Variants in KIAA0825 observed in about 807,000 individuals in gnomAD.
The protein encoded by KIAA0825 is KIAA0825.
In KIAA0825, 119 loss-of-function variants were observed where a neutral mutation model predicts 147.6. The ratio of observed to expected loss-of-function variants is 0.81; its 90% CI spans 0.69 to 0.94. The LOEUF is 0.94. Ranked by LOEUF, KIAA0825 falls within the 40% of genes least tolerant of loss-of-function variation. The pLI, the probability that KIAA0825 is intolerant of heterozygous loss-of-function variation, is 0.00. For synonymous variants in KIAA0825, 470 were observed against 518.1 expected (o/e 0.91, Z 1.26); for missense variants, 1,381 against 1,472.7 (o/e 0.94, Z 1.02).
At chr5:94,421,786 C>G (rs1754227045) in intron 14 of KIAA0825, among the ~76,000 whole-genome samples, 1 of 151,998 alleles carries the variant, frequency 6.6e-6, no homozygotes, top group South Asian at 2.1e-4. Context: ...TCTATGATTC[C>G]CCAATATTCC....
intron 1 of KIAA0825, among the ~76,000 whole-genome samples, chr5:94,599,357 G>A (rs1405260198): frequency 3.0e-5 from 2 of 66,928 alleles, no homozygotes; most frequent in Non-Finnish European, 6.0e-5. Flanking sequence ...TTTTTGCTAT[G>A]GAGTTTCTTG....
intron 2 of KIAA0825, among the ~76,000 whole-genome samples, chr5:94,558,080 C>G (rs893246753): frequency 1.3e-5 from 2 of 152,182 alleles, no homozygotes; most frequent in African/African-American, 4.8e-5. Flanking sequence ...ACACTAGTCA[C>G]TTCGTTCCAC....
chr5:94,380,997 T>C (rs1748328458), intron 20 of KIAA0825, among the ~76,000 whole-genome samples: 1 of 152,208 alleles, frequency 6.6e-6, no homozygotes, highest in Admixed American at 6.5e-5. Flanking sequence ...TCCTCTTTCA[T>C]GTGTCTGAGC....
At chr5:94,479,814 T>C (rs977982912) in intron 6 of KIAA0825, among the ~76,000 whole-genome samples, 9 of 152,132 alleles carry the variant, frequency 5.9e-5, no homozygotes, top group Non-Finnish European at 1.2e-4. Context: ...CATCTTGTTT[T>C]AGTTTGCATT....
chr5:94,433,514 T>C (rs1489448136), intron 14 of KIAA0825, among the ~76,000 whole-genome samples: 1 of 152,234 alleles, frequency 6.6e-6, no homozygotes, highest in East Asian at 1.9e-4. Flanking sequence ...ATATTGCTAT[T>C]TGGTAAATGT....
chr5:94,194,321 C>T (rs975953609), intron 20 of KIAA0825, among the ~76,000 whole-genome samples: 1 of 152,070 alleles, frequency 6.6e-6, no homozygotes, highest in Non-Finnish European at 1.5e-5. Context: ...CCTCTGCCTT[C>T]CATTCTATGA....
At chr5:94,593,910 G>C in intron 1 of KIAA0825, 1 of 423,044 alleles carries the variant, frequency 2.4e-6, no homozygotes, top group South Asian at 1.9e-5. Flanking sequence ...GACGAAGTGG[G>C]AATATCCAGA....
chr5:94,262,807 G>A (rs1334192529), intron 20 of KIAA0825, among the ~76,000 whole-genome samples: 1 of 152,072 alleles, frequency 6.6e-6, no homozygotes, highest in Non-Finnish European at 1.5e-5. Flanking sequence ...TTCTAAGTGA[G>A]GGTAAGAATG....
chr5:94,599,423 G>C (rs912663769), intron 1 of KIAA0825, among the ~76,000 whole-genome samples: 1 of 134,578 alleles, frequency 7.4e-6, no homozygotes, highest in Non-Finnish European at 1.5e-5. Flanking sequence ...GAAAATATTA[G>C]TCTTCTCAAA....
At chr5:94,157,199 T>C (rs1001335653) in intron 20 of KIAA0825, among the ~76,000 whole-genome samples, 2 of 152,174 alleles carry the variant, frequency 1.3e-5, no homozygotes, top group African/African-American at 4.8e-5. Context: ...ATTTTTGTTT[T>C]TCCTAATTTT....
chr5:94,456,320 C>T (rs920854203), intron 12 of KIAA0825, among the ~76,000 whole-genome samples: 2 of 152,140 alleles, frequency 1.3e-5, no homozygotes, highest in Non-Finnish European at 2.9e-5. Context: ...GTTCAAGTAG[C>T]TCCATAGATT....
chr5:94,565,988 A>C (rs953859066), intron 2 of KIAA0825, among the ~76,000 whole-genome samples: 1 of 152,114 alleles, frequency 6.6e-6, no homozygotes, highest in Non-Finnish European at 1.5e-5. Flanking sequence ...TATCAGTTCA[A>C]TTGTTTGAGA....
chr5:94,573,926 C>T (rs1031294510), intron 2 of KIAA0825, among the ~76,000 whole-genome samples: 2 of 152,146 alleles, frequency 1.3e-5, no homozygotes, highest in African/African-American at 4.8e-5. Context: ...CATGACTCCC[C>T]AGACCTCTTA....
At chr5:94,356,749 G>C (rs1784324856) in intron 20 of KIAA0825, among the ~76,000 whole-genome samples, 1 of 55,254 alleles carries the variant, frequency 1.8e-5, no homozygotes, top group African/African-American at 8.6e-5. Flanking sequence ...TTTTGAGACG[G>C]AGTCTCGCTC....
intron 8 of KIAA0825, 140 bp downstream of exon 8, chr5:94,473,152 A>G (rs1422780076): frequency 3.1e-6 from 2 of 645,016 alleles, no homozygotes; most frequent in East Asian, 2.7e-5. Context: ...ATACCACTGA[A>G]GAAAACTGGT....
rs540072144 is a variant in KIAA0825 at position 94,518,666 on chromosome 5, G to A, written c.970+1582C>T. 4.6e-5 allele frequency among the ~76,000 whole-genome samples: 7 copies of A among 152,196 alleles called. No individual in the cohort carries two copies. The South Asian group carries it at 1.5e-3, about 32-fold the overall frequency. On this transcript the variant is annotated intron_variant, in intron 5 of 20. Transcript: ENST00000682413. The stretch of plus-strand genomic sequence containing the variant: ...ATGGGTTGTCATTAGCGCAGTGTTT[G>A]GCATATGGACAGTGCTCACTTAATA...
intron 20 of KIAA0825, among the ~76,000 whole-genome samples, chr5:94,283,778 A>C (rs1188467398): frequency 2.0e-5 from 3 of 152,162 alleles, no homozygotes; most frequent in Non-Finnish European, 4.4e-5. Context: ...ATAGCTTATG[A>C]CTTTGCAAGC....
At chr5:94,167,356 T>C (rs1237775719) in intron 20 of KIAA0825, among the ~76,000 whole-genome samples, 2 of 152,302 alleles carry the variant, frequency 1.3e-5, no homozygotes, top group African/African-American at 4.8e-5. Context: ...AATTTCTGTA[T>C]AGGTTGTAAT....
At chr5:94,156,789 A>G (rs1205846138) in intron 20 of KIAA0825, among the ~76,000 whole-genome samples, 4 of 152,216 alleles carry the variant, frequency 2.6e-5, no homozygotes, top group Non-Finnish European at 4.4e-5. Context: ...GATGACAAAA[A>G]TGGATGAAAA....
Sources: gnomAD v4.1 joint callset for allele counts (sites outside exome capture counted in the v4.1 genomes callset) on GRCh38, gnomAD v4.1.1 for gene constraint, MANE v1.5 for transcripts, NCBI Gene and HGNC (gene_info 2026-07-23, HGNC 2026-07-21) for gene names.